The following APP variants were observed in gnomAD, a reference collection of about 807,000 sequenced individuals.
APP encodes the protein amyloid beta precursor protein, also known as amyloid-beta precursor protein.
Under a neutral mutation model 101.4 loss-of-function variants are expected in APP, and 31 were observed. That is an observed-to-expected ratio of 0.31 (90% CI 0.23 to 0.41). The LOEUF is 0.41. APP is among the 10% of genes least tolerant of loss of function. The pLI, the probability that APP is intolerant of heterozygous loss-of-function variation, is 1.00. For missense variants in APP, 839 were observed against 1,003.7 expected (o/e 0.84, Z 2.22); for synonymous variants, 366 against 364.4 (o/e 1.00, Z -0.05).
chr21:26,020,487 A>G (rs371578945), intron 6 of APP, among the ~76,000 whole-genome samples: 2 of 152,234 alleles, frequency 1.3e-5, no homozygotes, highest in African/African-American at 4.8e-5. Context: ...TACTATAGTG[A>G]CAACTATGAA....
At chr21:26,101,423 A>G (rs1464405230) in intron 2 of APP, among the ~76,000 whole-genome samples, 1 of 152,098 alleles carries the variant, frequency 6.6e-6, no homozygotes, top group East Asian at 1.9e-4. Context: ...AAGAGGAAGA[A>G]TAGTATGGGG....
intron 1 of APP, among the ~76,000 whole-genome samples, chr21:26,156,723 A>G (rs2063382236): frequency 6.6e-6 from 1 of 152,198 alleles, no homozygotes; most frequent in South Asian, 2.1e-4. Context: ...CAATTTTTTT[A>G]GAACCAAGTT....
intron 2 of APP, among the ~76,000 whole-genome samples, chr21:26,111,465 T>A (rs1044188643): frequency 6.6e-6 from 1 of 152,110 alleles, no homozygotes; most frequent in Non-Finnish European, 1.5e-5. Context: ...GGGCTGAGCA[T>A]GGTGGCTCAT....
chr21:26,129,401 C>G (rs1253040507), intron 1 of APP, among the ~76,000 whole-genome samples: 1 of 151,066 alleles, frequency 6.6e-6, no homozygotes, highest in East Asian at 1.9e-4. Context: ...ACCCGGGAGG[C>G]AGAGGTTGCA....
chr21:26,131,012 G>C (rs45531132), intron 1 of APP, among the ~76,000 whole-genome samples: 29 of 151,956 alleles, frequency 1.9e-4, no homozygotes, highest in Non-Finnish European at 2.9e-5. Flanking sequence ...GGTGGATCAC[G>C]TGAGGTCGGG....
At chr21:25,944,460 A>G (rs1003454433) in intron 13 of APP, among the ~76,000 whole-genome samples, 19 of 152,226 alleles carry the variant, frequency 1.2e-4, no homozygotes, top group African/African-American at 4.3e-4. Flanking sequence ...ATACGGCAGG[A>G]AAACTGTTAA....
intron 6 of APP, among the ~76,000 whole-genome samples, chr21:26,014,575 G>A (rs1470585938): frequency 1.3e-5 from 2 of 152,062 alleles, no homozygotes; most frequent in South Asian, 2.1e-4. Flanking sequence ...TTCCTTCCTA[G>A]GCAGGCCTGA....
chr21:26,101,244 G>A (rs1237416567), intron 2 of APP, among the ~76,000 whole-genome samples: 7 of 151,646 alleles, frequency 4.6e-5, no homozygotes, highest in Non-Finnish European at 7.4e-5. Context: ...GACTACAGGC[G>A]TGCGCCACCA....
At chr21:26,010,808 G>A (rs1236900781) in intron 6 of APP, among the ~76,000 whole-genome samples, 2 of 105,360 alleles carry the variant, frequency 1.9e-5, no homozygotes, top group Admixed American at 2.8e-4. Flanking sequence ...GTGACAGAGT[G>A]AGACTTCGTC....
intron 1 of APP, among the ~76,000 whole-genome samples, chr21:26,119,410 G>GTAGT (rs762589497): frequency 6.6e-6 from 1 of 152,030 alleles, no homozygotes; most frequent in Non-Finnish European, 1.5e-5. Context: ...CTAACCTCTG[G>GTAGT]TAGTTTCCTC....
chr21:26,076,574 C>T (rs1331924627), intron 3 of APP, among the ~76,000 whole-genome samples: 2 of 152,122 alleles, frequency 1.3e-5, no homozygotes, highest in Non-Finnish European at 2.9e-5. Context: ...AAATTCAGCC[C>T]TAAAGTCTAT....
intron 13 of APP, among the ~76,000 whole-genome samples, chr21:25,925,490 G>A (rs1017236301): frequency 2.0e-5 from 3 of 152,230 alleles, no homozygotes; most frequent in Admixed American, 6.5e-5. Flanking sequence ...CAGATCCAGG[G>A]AATCAGAATC....
chr21:25,885,773 C>G (rs2037281192), intron 17 of APP, among the ~76,000 whole-genome samples: 1 of 152,116 alleles, frequency 6.6e-6, no homozygotes. Context: ...CTTTGGCTAA[C>G]CTCCATACCC....
intron 15 of APP, among the ~76,000 whole-genome samples, chr21:25,901,050 G>GC (rs34305411): frequency 1 from 150,399 of 150,404 alleles, 75,197 homozygotes; most frequent in Non-Finnish European, 1. Flanking sequence ...TGTAATCCCA[G>GC]CCTTTGGGAG....
At chr21:26,082,411 A>G (rs2061616793) in intron 3 of APP, among the ~76,000 whole-genome samples, 1 of 152,184 alleles carries the variant, frequency 6.6e-6, no homozygotes, top group South Asian at 2.1e-4. Flanking sequence ...CTTAGTTACC[A>G]AAAAGCAAAA....
intron 3 of APP, among the ~76,000 whole-genome samples, chr21:26,089,289 A>G (rs2061768530): frequency 1.3e-5 from 2 of 152,202 alleles, no homozygotes; most frequent in Admixed American, 1.3e-4. Context: ...ATGGAGTATG[A>G]CAGTTTCCAG....
chr21:25,994,636 T>C (rs1252153220), intron 8 of APP, among the ~76,000 whole-genome samples: 1 of 152,218 alleles, frequency 6.6e-6, no homozygotes. Flanking sequence ...CAGCTTAGAC[T>C]GAGCAACCTG....
At chr21:25,999,052 TGGCCAAGGCAGGTGGATCACTTGA>T (rs2146673938) in intron 7 of APP, among the ~76,000 whole-genome samples, 1 of 152,252 alleles carries the variant, frequency 6.6e-6, no homozygotes, top group Non-Finnish European at 1.5e-5. Context: ...GCACTTTGGA[TGGCCAAGGCAGGTGGATCACTTGA>T]GGTCAGGAGT....
At chr21:25,990,733 A>AT (rs59279220) in intron 8 of APP, among the ~76,000 whole-genome samples, 48,171 of 152,042 alleles carry the variant, frequency 0.32, 8,812 homozygotes, top group African/African-American at 0.5. Flanking sequence ...ACACTTCTAT[A>AT]TTTCCTTTAT....
Sources: allele counts gnomAD v4.1 joint callset (sites outside exome capture counted in the v4.1 genomes callset), GRCh38; gene constraint gnomAD v4.1.1; transcripts MANE v1.5; gene names NCBI Gene and HGNC (gene_info 2026-07-23, HGNC 2026-07-21).